Variants in DPP6 observed in about 807,000 individuals in gnomAD.
DPP6 encodes A-type potassium channel modulatory protein DPP6.
DPP6 carries 69 observed loss-of-function variants against 122.6 expected under a neutral mutation model. The ratio of observed to expected loss-of-function variants is 0.56; its 90% CI spans 0.46 to 0.69. DPP6 has a LOEUF of 0.69. Among genes scored for constraint, DPP6 ranks in the 30% least tolerant of loss-of-function variants. The pLI, the probability that DPP6 is intolerant of heterozygous loss-of-function variation, is 0.00. For missense variants in DPP6, 928 were observed against 1,116.9 expected, an observed-to-expected ratio of 0.83 and a Z score of 2.41; for synonymous variants, 418 against 433.1, an observed-to-expected ratio of 0.97 and a Z score of 0.43.
At chr7:154,646,673 T>C (rs1248675674) in intron 6 of DPP6, among the ~76,000 whole-genome samples, 1 of 152,234 alleles carries the variant, frequency 6.6e-6, no homozygotes, top group Non-Finnish European at 1.5e-5. Flanking sequence ...GCTTGACTTC[T>C]TTCTCTCCGT....
the DPP6 span, among the ~76,000 whole-genome samples, chr7:153,850,894 G>A: frequency 1.3e-5 from 2 of 152,146 alleles, no homozygotes; most frequent in Admixed American, 6.5e-5. Flanking sequence ...CACAGCCAAA[G>A]CATATCAGAA....
intron 5 of DPP6, among the ~76,000 whole-genome samples, chr7:154,625,066 TAA>T (rs1439020901): frequency 6.6e-6 from 1 of 152,108 alleles, no homozygotes; most frequent in Non-Finnish European, 1.5e-5. Flanking sequence ...GTCAACAGCT[TAA>T]AGATTAGGAG....
chr7:154,214,582 A>G (rs941909716), intron 1 of DPP6, among the ~76,000 whole-genome samples: 5 of 152,212 alleles, frequency 3.3e-5, no homozygotes, highest in African/African-American at 9.6e-5. Context: ...TTGCTTAAAC[A>G]CTCCAAGTTT....
intron 1 of DPP6, among the ~76,000 whole-genome samples, chr7:154,268,320 G>A (rs1017282921): frequency 6.6e-6 from 1 of 152,162 alleles, no homozygotes; most frequent in Non-Finnish European, 1.5e-5. Context: ...TTATAAACAA[G>A]AGAAATGTAT....
chr7:154,857,376 TG>T (rs1802931675), intron 17 of DPP6, among the ~76,000 whole-genome samples: 1 of 152,166 alleles, frequency 6.6e-6, no homozygotes, highest in African/African-American at 2.4e-5. Context: ...CCCTGAGGGT[TG>T]GCACATCATA....
the DPP6 span, among the ~76,000 whole-genome samples, chr7:153,858,029 G>A: frequency 1.3e-5 from 2 of 152,196 alleles, no homozygotes; most frequent in African/African-American, 4.8e-5. Flanking sequence ...TGATGTACTT[G>A]TTACATTTCA....
intron 2 of DPP6, 114 bp from the exon 3 acceptor site, chr7:154,474,825 C>A: frequency 1.3e-6 from 1 of 745,528 alleles, no homozygotes; most frequent in South Asian, 1.7e-5. Flanking sequence ...CACTTATGGA[C>A]GTCATGTGTG....
intron 1 of DPP6, among the ~76,000 whole-genome samples, chr7:154,236,827 C>T (rs1486865551): frequency 6.6e-6 from 1 of 152,160 alleles, no homozygotes; most frequent in Admixed American, 6.5e-5. Context: ...ACAAAAGCTC[C>T]ATGGCAGAGA....
chr7:154,370,638 C>G (rs1048676666), intron 1 of DPP6, among the ~76,000 whole-genome samples: 1 of 152,234 alleles, frequency 6.6e-6, no homozygotes. Context: ...TTAGCTGATT[C>G]ATTAAACTTG....
rs543633465 is a variant in DPP6 at position 154,186,762 on chromosome 7, C to T, written c.243+133699C>T. Among the ~76,000 whole-genome samples, 18 of 152,334 alleles carry T rather than the reference C, an allele frequency of 1.2e-4. No homozygotes were observed. The South Asian group carries it at 1.2e-3, about 11-fold the overall frequency. ...AATTTAAATGGGTGATATAATTACT[C>T]GGTTGTCTCAATTCTGAATTATTCA... On this transcript the variant is annotated intron_variant, in intron 1 of 25. Transcript: ENST00000377770.
At chr7:153,948,517 A>G (rs1802051600) in intron 1 of DPP6, among the ~76,000 whole-genome samples, 2 of 152,144 alleles carry the variant, frequency 1.3e-5, no homozygotes, top group South Asian at 2.1e-4. Flanking sequence ...GTCAATAACC[A>G]GCTTCCAGGC....
chr7:154,358,412 CTG>C (rs1208682818), intron 1 of DPP6, among the ~76,000 whole-genome samples: 2 of 152,182 alleles, frequency 1.3e-5, no homozygotes, highest in African/African-American at 4.8e-5. Flanking sequence ...TGTGAACACT[CTG>C]TGGTTTCTGA....
At chr7:153,850,565 C>A in the DPP6 span, among the ~76,000 whole-genome samples, 2 of 152,254 alleles carry the variant, frequency 1.3e-5, no homozygotes, top group East Asian at 3.9e-4. Context: ...TGTTCTCATG[C>A]TGCTAATAAA....
At chr7:153,894,862 T>C (rs1165580701) in intron 1 of DPP6, among the ~76,000 whole-genome samples, 2 of 152,166 alleles carry the variant, frequency 1.3e-5, no homozygotes, top group African/African-American at 2.4e-5. Flanking sequence ...AAGGAAATAA[T>C]TATAACATTT....
intron 1 of DPP6, among the ~76,000 whole-genome samples, chr7:154,012,619 C>A (rs1020537464): frequency 6.6e-6 from 1 of 151,468 alleles, no homozygotes; most frequent in Non-Finnish European, 1.5e-5. Context: ...AATTCAATAA[C>A]AAACTGACAA....
chr7:154,345,308 C>T (rs1810303073), intron 1 of DPP6, among the ~76,000 whole-genome samples: 1 of 152,128 alleles, frequency 6.6e-6, no homozygotes, highest in Non-Finnish European at 1.5e-5. Flanking sequence ...CAAGGTCTTA[C>T]CACCTGATAC....
intron 1 of DPP6, among the ~76,000 whole-genome samples, chr7:154,443,035 C>A (rs1819521263): frequency 6.6e-6 from 1 of 152,178 alleles, no homozygotes; most frequent in Non-Finnish European, 1.5e-5. Flanking sequence ...AGGCTCTGCA[C>A]TCCCTGGCCC....
At chr7:154,090,599 C>G (rs1166046683) in intron 1 of DPP6, among the ~76,000 whole-genome samples, 8 of 152,080 alleles carry the variant, frequency 5.3e-5, no homozygotes, top group South Asian at 4.2e-4. Context: ...ACCACCACCA[C>G]CATTGCCCAT....
At chr7:154,551,104 A>C (rs1829600884) in intron 4 of DPP6, among the ~76,000 whole-genome samples, 1 of 152,182 alleles carries the variant, frequency 6.6e-6, no homozygotes. Flanking sequence ...TTTCCATGTA[A>C]GTTTGATTTT....
Sources: gnomAD v4.1 joint callset for allele counts (sites outside exome capture counted in the v4.1 genomes callset) on GRCh38, gnomAD v4.1.1 for gene constraint, MANE v1.5 for transcripts, NCBI Gene and HGNC (gene_info 2026-07-23, HGNC 2026-07-21) for gene names.